The following CNOT6L variants were observed in gnomAD, a reference collection of about 807,000 sequenced individuals.
The protein encoded by CNOT6L is CCR4-NOT transcription complex subunit 6-like.
CNOT6L carries 7 observed loss-of-function variants against 64.0 expected under a neutral mutation model. The ratio of observed to expected loss-of-function variants is 0.11; its 90% CI spans 0.06 to 0.21. CNOT6L has a LOEUF of 0.21. Among genes scored for constraint, CNOT6L ranks in the 10% least tolerant of loss-of-function variants. The probability of loss-of-function intolerance (pLI) is 1.00; values close to 1 mark genes in which losing one functional copy is unlikely to be tolerated. For synonymous variants in CNOT6L, 193 were observed against 243.4 expected, an observed-to-expected ratio of 0.79 and a Z score of 1.93; for missense variants, 245 against 669.0, an observed-to-expected ratio of 0.37 and a Z score of 6.99.
chr4:77,758,697 G>A (rs1725839124), intron 4 of CNOT6L, among the ~76,000 whole-genome samples: 1 of 152,140 alleles, frequency 6.6e-6, no homozygotes, highest in South Asian at 2.1e-4. Context: ...AGATTAGCTT[G>A]AGAGTTAAAA....
chr4:77,818,765 T>C (rs1169078682), intron 1 of CNOT6L, among the ~76,000 whole-genome samples: 2 of 151,596 alleles, frequency 1.3e-5, no homozygotes, highest in Non-Finnish European at 2.9e-5. Flanking sequence ...TCGCGCGGGC[T>C]CGCCGTCCCG....
chr4:77,730,428 T>C (rs1722319742), intron 9 of CNOT6L, among the ~76,000 whole-genome samples: 2 of 152,076 alleles, frequency 1.3e-5, no homozygotes, highest in African/African-American at 4.8e-5. Context: ...ACAAGAGATA[T>C]GTATTTCAGA....
At position 77,714,878 on chromosome 4, in the gene CNOT6L, C is replaced by A. The variant is rs1720579903; in HGVS notation, c.*5553G>T. On this transcript the variant is annotated 3_prime_UTR_variant, in exon 12 of 12. Transcript: ENST00000504123. ...ATCACTTACTGCATCAAGATTGAAA[C>A]AAGCAGCAGGATACTAAGTCTGTTT... The A allele has an allele frequency of 6.6e-6, 1 of 152,570 alleles. No individual in the cohort carries two copies. The highest frequency in any genetic ancestry group is 2.4e-5 in the African/African-American group (1 of 41,434). 9.5% of individuals were successfully genotyped at this position (152,570 alleles called of 1,614,324 possible).
rs962235566 is a variant in CNOT6L at position 77,778,308 on chromosome 4, C to G, written c.6-1916G>C. 4.6e-5 allele frequency among the ~76,000 whole-genome samples: 7 copies of G among 152,142 alleles called. No homozygotes were observed. In the South Asian group the frequency reaches 6.2e-4, roughly 14 times the overall value. On this transcript the variant is annotated intron_variant, in intron 1 of 11. Transcript: ENST00000504123. ...TTAAGCAAAGCCAAATCAAATAGAT[C>G]TAGATCCAAAGACACACTACATAAT...
At chr4:77,798,908 G>A (rs929838641) in intron 1 of CNOT6L, among the ~76,000 whole-genome samples, 3 of 151,970 alleles carry the variant, frequency 2.0e-5, no homozygotes, top group Admixed American at 6.6e-5. Flanking sequence ...GAGCCTGGGA[G>A]GTCAAGGCTA....
intron 1 of CNOT6L, among the ~76,000 whole-genome samples, chr4:77,814,663 T>G (rs1733357228): frequency 6.6e-6 from 1 of 152,146 alleles, no homozygotes; most frequent in African/African-American, 2.4e-5. Flanking sequence ...TAGAGAAGTA[T>G]TTACCATGGA....
At chr4:77,759,052 A>G (rs1284611824) in intron 4 of CNOT6L, among the ~76,000 whole-genome samples, 1 of 152,106 alleles carries the variant, frequency 6.6e-6, no homozygotes, top group Non-Finnish European at 1.5e-5. Context: ...TACAGCAAAC[A>G]GTAAACATAT....
At position 77,718,448 on chromosome 4, in the gene CNOT6L, G is replaced by A. The variant is rs1220147828; in HGVS notation, c.*1983C>T. The A allele has an allele frequency of 1.3e-5, 2 of 152,576 alleles. No individual in the cohort carries two copies. The highest frequency in any genetic ancestry group is 2.9e-5 in the Non-Finnish European group (2 of 68,026). 9.5% of individuals were successfully genotyped at this position (152,576 alleles called of 1,614,324 possible). A position where few individuals can be genotyped will look rare whatever the true frequency, so the allele number is the denominator to read the frequency against. ...GGTATATAAGAAGGGAAACCTGCAT[G>A]TTGAGGAAAATCTGTCATCTTAAGG... On this transcript the variant is annotated 3_prime_UTR_variant, in exon 12 of 12. Transcript: ENST00000504123.
chr4:77,732,125 CTT>C (rs1722504701), intron 8 of CNOT6L, among the ~76,000 whole-genome samples: 1 of 152,060 alleles, frequency 6.6e-6, no homozygotes, highest in African/African-American at 2.4e-5. Context: ...TTCCATCTGA[CTT>C]TTACTAGAAA....
chr4:77,800,077 C>G lies in CNOT6L; in HGVS notation c.5+19227G>C, dbSNP rs1731340444. 3.3e-5 allele frequency among the ~76,000 whole-genome samples: 5 copies of G among 149,740 alleles called. No individual in the cohort carries two copies. The South Asian group carries it at 1.1e-3, about 32-fold the overall frequency. ...TGTTATACTCCATCAAAAAAAAAAA[C>G]TAATTCAAGAAATTGGTTTTAATTA... is the stretch of plus-strand genomic sequence containing the variant. On this transcript the variant is annotated intron_variant, in intron 1 of 11. Coordinates refer to ENST00000504123, the MANE Select transcript of CNOT6L (RefSeq NM_144571.3).
intron 1 of CNOT6L, among the ~76,000 whole-genome samples, chr4:77,818,788 G>T (rs142405311): frequency 6.6e-6 from 1 of 151,898 alleles, no homozygotes; most frequent in African/African-American, 2.4e-5. Flanking sequence ...AGGCGTCCGG[G>T]GAGGTGGGCG....
chr4:77,737,102 G>A (rs1723038174), intron 8 of CNOT6L, among the ~76,000 whole-genome samples: 1 of 152,066 alleles, frequency 6.6e-6, no homozygotes, highest in African/African-American at 2.4e-5. Flanking sequence ...GCAATCTATA[G>A]GATTTAAGTA....
chr4:77,795,463 G>A (rs779276947), intron 1 of CNOT6L, among the ~76,000 whole-genome samples: 1 of 152,318 alleles, frequency 6.6e-6, no homozygotes, highest in East Asian at 1.9e-4. Flanking sequence ...TGTTGGAGGA[G>A]GGGCCTGGTG....
intron 8 of CNOT6L, among the ~76,000 whole-genome samples, chr4:77,733,777 A>G (rs1722677583): frequency 6.6e-6 from 1 of 152,032 alleles, no homozygotes; most frequent in African/African-American, 2.4e-5. Context: ...GATCTTTTCA[A>G]GAATATACAT....
chr4:77,770,742 C>G (rs1727438290), intron 4 of CNOT6L, among the ~76,000 whole-genome samples: 2 of 152,144 alleles, frequency 1.3e-5, no homozygotes, highest in Admixed American at 1.3e-4. Flanking sequence ...TGGCGTCTGA[C>G]TTGATAGATT....
intron 3 of CNOT6L, among the ~76,000 whole-genome samples, chr4:77,774,183 A>G (rs1430198245): frequency 6.6e-6 from 1 of 152,208 alleles, no homozygotes; most frequent in African/African-American, 2.4e-5. Flanking sequence ...TCTTTGACTC[A>G]TATAATAGAG....
intron 1 of CNOT6L, among the ~76,000 whole-genome samples, chr4:77,778,649 C>T (rs1728428737): frequency 6.6e-6 from 1 of 151,750 alleles, no homozygotes; most frequent in African/African-American, 2.4e-5. Flanking sequence ...TTGTGATCCG[C>T]CCGCCTTGGC....
intron 2 of CNOT6L, 43 bp from the exon 3 acceptor site, chr4:77,774,759 C>T: frequency 1.5e-6 from 2 of 1,295,946 alleles, no homozygotes; most frequent in Non-Finnish European, 2.1e-6. Flanking sequence ...ACCCCAGGCC[C>T]AAGATGACAC....
chr4:77,754,390 A>G (rs1179615262), intron 5 of CNOT6L, among the ~76,000 whole-genome samples: 3 of 152,180 alleles, frequency 2.0e-5, no homozygotes, highest in Admixed American at 6.5e-5. Context: ...CAAGCCCACT[A>G]CATAGAAACT....
Sources: gnomAD v4.1 joint callset for allele counts (sites outside exome capture counted in the v4.1 genomes callset) on GRCh38, gnomAD v4.1.1 for gene constraint, MANE v1.5 for transcripts, NCBI Gene and HGNC (gene_info 2026-07-23, HGNC 2026-07-21) for gene names.